CORIN: variants seen among roughly 807,000 people sequenced by gnomAD.
CORIN encodes atrial natriuretic peptide-converting enzyme.
In CORIN, 117 loss-of-function variants were observed where a neutral mutation model predicts 125.3. The observed-to-expected ratio is 0.93, with a 90% CI of 0.80 to 1.09. The LOEUF is 1.09. Ranked by LOEUF, CORIN falls within the 50% of genes least tolerant of loss-of-function variation. CORIN has a pLI of 0.00. For missense variants in CORIN, 1,253 were observed against 1,306.7 expected (o/e 0.96, Z 0.63); for synonymous variants, 450 against 466.4 (o/e 0.96, Z 0.45).
intron 1 of CORIN, among the ~76,000 whole-genome samples, chr4:47,835,697 C>A (rs955224182): frequency 6.6e-6 from 1 of 152,178 alleles, no homozygotes; most frequent in Admixed American, 6.5e-5. Context: ...CCACATGAAG[C>A]TATGGTGGAG....
intron 15 of CORIN, 118 bp from the exon 16 acceptor site, chr4:47,642,167 T>A: frequency 1.9e-6 from 2 of 1,049,122 alleles, no homozygotes; most frequent in East Asian, 5.8e-5. Flanking sequence ...TTTTAGTTAA[T>A]CATTTGATGT....
At chr4:47,752,958 T>G (rs549113449) in intron 4 of CORIN, among the ~76,000 whole-genome samples, 1 of 151,786 alleles carries the variant, frequency 6.6e-6, no homozygotes, top group African/African-American at 2.4e-5. Flanking sequence ...TCAAATGAAT[T>G]GAATCACAAG....
chr4:47,680,185 T>A lies in CORIN; in HGVS notation c.1088A>T (p.Asp363Val). The A allele has an allele frequency of 6.2e-7, 1 of 1,613,916 alleles. No homozygotes were observed. Among genetic ancestry groups the A allele is most frequent in the Non-Finnish European group, 8.5e-7 (1 of 1,179,834 alleles). ...GRCIAMEWVC[D>V]GDHDCVDKSD... is the part of the protein sequence containing the mutation. ...CTTATCCACACAGTCGTGGTCACCATCACACACCCACTCCATGGCGATGCA... is the reference window on the plus strand; with the variant it reads ...CTTATCCACACAGTCGTGGTCACCAACACACACCCACTCCATGGCGATGCA... The change falls in exon 8 of 22, where the codon GAT becomes GTT. Residue 363 changes from aspartate to valine, a missense_variant. By Grantham distance (152) the Asp-to-Val change is radical. Coordinates refer to ENST00000273857, the MANE Select transcript of CORIN (RefSeq NM_006587.4).
chr4:47,716,183 G>A (rs1018150858), intron 5 of CORIN, among the ~76,000 whole-genome samples: 2 of 152,120 alleles, frequency 1.3e-5, no homozygotes, highest in Admixed American at 6.5e-5. Context: ...TTGGAATTGG[G>A]TTCATTACAT....
intron 14 of CORIN, among the ~76,000 whole-genome samples, chr4:47,643,833 A>C (rs77392421): frequency 6.6e-6 from 1 of 152,076 alleles, no homozygotes; most frequent in African/African-American, 2.4e-5. Flanking sequence ...CCCACTTCCA[A>C]AGGAAGATCC....
intron 5 of CORIN, among the ~76,000 whole-genome samples, chr4:47,743,730 CAA>C (rs2109835935): frequency 6.6e-6 from 1 of 152,194 alleles, no homozygotes; most frequent in South Asian, 2.1e-4. Context: ...ACTAAAAATA[CAA>C]AAGTTAGCCA....
At chr4:47,638,666 C>T (rs116632775) in intron 16 of CORIN, among the ~76,000 whole-genome samples, 1,892 of 152,292 alleles carry the variant, frequency 0.012, 11 homozygotes, top group Middle Eastern at 0.027. Context: ...TGTGGGGCCT[C>T]CCCAGCTCTG....
intron 2 of CORIN, among the ~76,000 whole-genome samples, chr4:47,798,620 T>G (rs778152972): frequency 1.1e-4 from 16 of 152,210 alleles, no homozygotes; most frequent in Non-Finnish European, 1.6e-4. Flanking sequence ...TGGACAGATA[T>G]TACTTCAATA....
At chr4:47,815,555 T>C (rs1732229164) in intron 1 of CORIN, among the ~76,000 whole-genome samples, 1 of 152,142 alleles carries the variant, frequency 6.6e-6, no homozygotes. Flanking sequence ...TAGGATCCTG[T>C]GTCCTTTTTG....
chr4:47,701,503 T>G (rs776738532), intron 5 of CORIN, among the ~76,000 whole-genome samples: 12 of 152,126 alleles, frequency 7.9e-5, no homozygotes, highest in Non-Finnish European at 1.8e-4. Flanking sequence ...AAATTAGTCA[T>G]CATAACATTT....
intron 1 of CORIN, among the ~76,000 whole-genome samples, chr4:47,812,441 G>A (rs139307933): frequency 2.0e-5 from 3 of 152,218 alleles, no homozygotes; most frequent in African/African-American, 7.2e-5. Flanking sequence ...TGAGACTGAG[G>A]TTGCAGTGAG....
chr4:47,797,078 AC>A (rs560279734), intron 2 of CORIN, among the ~76,000 whole-genome samples: 97 of 152,150 alleles, frequency 6.4e-4, no homozygotes, highest in African/African-American at 2.3e-3. Context: ...GTTGCATATA[AC>A]AGACACTCAA....
intron 2 of CORIN, among the ~76,000 whole-genome samples, chr4:47,792,387 C>T (rs927606792): frequency 4.6e-5 from 7 of 151,986 alleles, no homozygotes; most frequent in South Asian, 2.1e-4. Flanking sequence ...AGCAGGGTGA[C>T]GTTTAAAAGT....
chr4:47,686,926 GTTTA>G (rs1560505548), intron 6 of CORIN, among the ~76,000 whole-genome samples: 1 of 152,026 alleles, frequency 6.6e-6, no homozygotes, highest in Non-Finnish European at 1.5e-5. Flanking sequence ...ATTTCCAAAA[GTTTA>G]TTTGTCTTCT....
rs1725205694 is a variant in CORIN at position 47,680,176 on chromosome 4, T to C, written c.1097A>G (p.His366Arg). The C allele has an allele frequency of 1.2e-6, 2 of 1,613,768 alleles. No homozygotes were observed. Among genetic ancestry groups the C allele is most frequent in the South Asian group, 2.2e-5 (2 of 91,082 alleles). Reference sequence around the variant, plus strand: ...CTCGTCAGACTTATCCACACAGTCGTGGTCACCATCACACACCCACTCCAT... The same window carrying C: ...CTCGTCAGACTTATCCACACAGTCGCGGTCACCATCACACACCCACTCCAT... ...IAMEWVCDGD[H>R]DCVDKSDEVN... The change falls in exon 8 of 22, where the codon CAC becomes CGC. Residue 366 changes from histidine to arginine, a missense_variant. Transcript: ENST00000273857.
chr4:47,664,963 A>G, intron 11 of CORIN, 69 bp downstream of exon 11: 1 of 1,010,876 alleles, frequency 9.9e-7, no homozygotes, highest in Non-Finnish European at 1.5e-6. Flanking sequence ...GTCCAAACTC[A>G]ACTAAGTCTT....
At chr4:47,661,047 G>C (rs1462418246) in intron 12 of CORIN, among the ~76,000 whole-genome samples, 1 of 152,136 alleles carries the variant, frequency 6.6e-6, no homozygotes. Flanking sequence ...AAAAGAAGAC[G>C]TCATTATGTT....
At chr4:47,751,510 A>G (rs1012508594) in intron 4 of CORIN, among the ~76,000 whole-genome samples, 28 of 152,190 alleles carry the variant, frequency 1.8e-4, no homozygotes, top group African/African-American at 6.0e-4. Flanking sequence ...TCTCTCTAAT[A>G]TATGGTAGAT....
chr4:47,771,514 C>T (rs1730027801), intron 3 of CORIN, among the ~76,000 whole-genome samples: 2 of 152,044 alleles, frequency 1.3e-5, no homozygotes, highest in Admixed American at 1.3e-4. Flanking sequence ...TCATGGGGGG[C>T]TGTCATACAG....
Sources: gnomAD v4.1 joint callset for allele counts (sites outside exome capture counted in the v4.1 genomes callset) on GRCh38, gnomAD v4.1.1 for gene constraint, MANE v1.5 for transcripts, NCBI Gene and HGNC (gene_info 2026-07-23, HGNC 2026-07-21) for gene names.